EGFL6: variants seen among roughly 807,000 people sequenced by gnomAD.
EGFL6 encodes epidermal growth factor-like protein 6.
In EGFL6, 42 loss-of-function variants were observed where a neutral mutation model predicts 43.1. The ratio of observed to expected loss-of-function variants is 0.98; its 90% CI spans 0.76 to 1.26. EGFL6 has a LOEUF of 1.26. Among genes scored for constraint, EGFL6 ranks in the 50% most tolerant of loss-of-function variants. The pLI is 0.00. For synonymous variants in EGFL6, 164 were observed against 163.2 expected, an observed-to-expected ratio of 1.01 and a Z score of -0.04; for missense variants, 429 against 427.8, an observed-to-expected ratio of 1.00 and a Z score of -0.02.
At chrX:13,574,730 CA>C (rs375214518) in intron 1 of EGFL6, 1,356 of 73,971 alleles carry the variant, frequency 0.018, 8 homozygotes, top group Middle Eastern at 0.028. Flanking sequence ...GCAAAAAAGA[CA>C]AAAAAAAAAA....
rs756620934 is a variant in EGFL6 at position 13,607,223 on chromosome X, G to A, written c.655+710G>A. On this transcript the variant is annotated intron_variant, in intron 6 of 11. Coordinates refer to ENST00000361306, the MANE Select transcript of EGFL6 (RefSeq NM_015507.4). ...GCATTCCCATTGCCCTTTATATAAT[G>A]TAGGATGGGGCCTGCCCTATAGTGA... Among the ~76,000 whole-genome samples, 4 of 111,561 alleles carry A rather than the reference G, an allele frequency of 3.6e-5. No homozygotes were observed. The South Asian group carries it at 1.6e-3, about 44-fold the overall frequency.
At chrX:13,629,441 T>A (rs945509362) in intron 11 of EGFL6, among the ~76,000 whole-genome samples, 1 of 111,222 alleles carries the variant, frequency 9.0e-6, no homozygotes, top group Non-Finnish European at 1.9e-5. Context: ...TGCACATTTC[T>A]GTAGACATGC....
At chrX:13,612,586 C>T (rs372132752) in intron 7 of EGFL6, among the ~76,000 whole-genome samples, 2,438 of 110,490 alleles carry the variant, frequency 0.022, 67 homozygotes, top group African/African-American at 0.075. Flanking sequence ...GGGTGGCGGC[C>T]GGGCAGAGGG....
chrX:13,606,476 C>T lies in EGFL6; in HGVS notation c.618C>T (p.Phe206=), dbSNP rs7878832. 5,864 of 1,209,399 alleles carry T rather than the reference C, an allele frequency of 4.8e-3. 134 individuals are homozygous for T. The African/African-American group carries it at 0.077, about 16-fold the overall frequency. ...GSYYCKCHIG[F]ELQYISGRYD... Reference sequence around the variant, plus strand: ...ACTACTGCAAATGTCACATTGGTTTCGAACTGCAATATATCAGTGGACGAT... The same window carrying T: ...ACTACTGCAAATGTCACATTGGTTTTGAACTGCAATATATCAGTGGACGAT... The change falls in exon 6 of 12, where the codon TTC becomes TTT. Residue 206 remains phenylalanine (F), a synonymous_variant. Transcript: ENST00000361306.
At chrX:13,590,755 C>G (rs1298040745) in intron 2 of EGFL6, among the ~76,000 whole-genome samples, 1 of 111,907 alleles carries the variant, frequency 8.9e-6, no homozygotes, top group Non-Finnish European at 1.9e-5. Flanking sequence ...AAACCTTCTG[C>G]CATCATAGTT....
intron 10 of EGFL6, among the ~76,000 whole-genome samples, chrX:13,625,424 G>A (rs1375767822): frequency 1.8e-5 from 2 of 111,066 alleles, no homozygotes; most frequent in Non-Finnish European, 3.8e-5. Context: ...TGTAATCCCA[G>A]CACTTTGGGA....
At chrX:13,582,568 G>A (rs904398929) in intron 1 of EGFL6, among the ~76,000 whole-genome samples, 1 of 110,924 alleles carries the variant, frequency 9.0e-6, no homozygotes, top group African/African-American at 3.3e-5. Context: ...ATTAACATTT[G>A]GGGGAGTTTT....
rs999307608 is a variant in EGFL6, at chrX:13,569,685, C to G, written c.-177C>G. ...CAGCCCCTCCCCAGGCCGCGAGCGC[C>G]CCTGCCGCGGTGCCTGGCCTCCCCT... On this transcript the variant is annotated 5_prime_UTR_variant, in exon 1 of 12. Coordinates refer to ENST00000361306, the MANE Select transcript of EGFL6 (RefSeq NM_015507.4). 5 of 464,187 alleles carry G rather than the reference C, an allele frequency of 1.1e-5. No homozygotes were observed. In the African/African-American group the frequency reaches 1.2e-4, roughly 11 times the overall value. The allele number at this position is 464,187 out of a possible 1,213,427, so 38.3% of individuals were successfully genotyped here.
At chrX:13,574,132 T>C (rs903453906) in intron 1 of EGFL6, among the ~76,000 whole-genome samples, 1 of 112,111 alleles carries the variant, frequency 8.9e-6, no homozygotes, top group Non-Finnish European at 1.9e-5. Flanking sequence ...TAGGAGACAG[T>C]AGAACACGAG....
At chrX:13,589,485 T>C in intron 1 of EGFL6, 71 bp from the exon 2 acceptor site, 6 of 882,547 alleles carry the variant, frequency 6.8e-6, no homozygotes, top group Non-Finnish European at 9.5e-6. Flanking sequence ...TCTGGTTCTT[T>C]TAGTAGTAGG....
At chrX:13,600,753 A>AAT (rs1555955941) in intron 4 of EGFL6, among the ~76,000 whole-genome samples, 7,032 of 105,861 alleles carry the variant, frequency 0.066, 236 homozygotes, top group East Asian at 0.1. Context: ...AAAAAAAAAA[A>AAT]TACAAAAATT....
chrX:13,585,278 C>T (rs1314240129), intron 1 of EGFL6, among the ~76,000 whole-genome samples: 2 of 112,158 alleles, frequency 1.8e-5, no homozygotes, highest in Non-Finnish European at 3.8e-5. Context: ...ATTCTATTCC[C>T]TTTGCCTCTA....
intron 1 of EGFL6, among the ~76,000 whole-genome samples, chrX:13,580,307 T>G (rs1472024881): frequency 8.9e-6 from 1 of 111,782 alleles, no homozygotes; most frequent in African/African-American, 3.3e-5. Flanking sequence ...TATATGTATA[T>G]TCATGTCTTC....
rs752227936 is a variant in EGFL6, at chrX:13,626,500, G to C, written c.1286-511G>C. On this transcript the variant is annotated intron_variant, in intron 10 of 11. Transcript: ENST00000361306. ...TCCTGTCATCCTAAATCAGAAATTG[G>C]AGTGATATGTTACACATGGTAGTTG... 1.1e-3 allele frequency among the ~76,000 whole-genome samples: 121 copies of C among 112,090 alleles called. 1 individual carries two copies. Among genetic ancestry groups the C allele is most frequent in the Non-Finnish European group, 1.6e-3 (86 of 53,248 alleles).
chrX:13,605,603 G>T (rs1174772392), intron 5 of EGFL6, among the ~76,000 whole-genome samples: 1 of 105,422 alleles, frequency 9.5e-6, no homozygotes, highest in Non-Finnish European at 1.9e-5. Context: ...AAAAAAGATT[G>T]CAAGGGAAAT....
chrX:13,631,170 C>T (rs1017932901), intron 11 of EGFL6, among the ~76,000 whole-genome samples: 2 of 112,009 alleles, frequency 1.8e-5, no homozygotes, highest in African/African-American at 6.5e-5. Flanking sequence ...ATACCATGTT[C>T]CAAATGAAAT....
At chrX:13,627,453 C>T (rs916821090) in intron 11 of EGFL6, among the ~76,000 whole-genome samples, 177 bp downstream of exon 11, 1 of 112,078 alleles carries the variant, frequency 8.9e-6, no homozygotes, top group African/African-American at 3.2e-5. Context: ...ATCGGCACAA[C>T]TCATGGATAC....
intron 9 of EGFL6, among the ~76,000 whole-genome samples, chrX:13,622,010 A>T (rs1469535737): frequency 8.9e-6 from 1 of 112,395 alleles, no homozygotes; most frequent in East Asian, 2.8e-4. Flanking sequence ...TGGGAGAAAC[A>T]TTCCACCACA....
chrX:13,612,477 C>T (rs756385148), intron 7 of EGFL6, among the ~76,000 whole-genome samples: 311 of 110,583 alleles, frequency 2.8e-3, no homozygotes, highest in Non-Finnish European at 4.5e-3. Context: ...AATCTGATCT[C>T]TCTTTCTTTT....
Sources: gnomAD v4.1 joint callset for allele counts (sites outside exome capture counted in the v4.1 genomes callset) on GRCh38, gnomAD v4.1.1 for gene constraint, MANE v1.5 for transcripts, NCBI Gene and HGNC (gene_info 2026-07-23, HGNC 2026-07-21) for gene names.